PIKFYVE: variants seen among roughly 807,000 people sequenced by gnomAD.
PIKFYVE encodes 1-phosphatidylinositol 3-phosphate 5-kinase.
A neutral mutation model predicts 257.9 loss-of-function variants in PIKFYVE; 122 were observed. That is an observed-to-expected ratio of 0.47 (90% CI 0.41 to 0.55). PIKFYVE has a LOEUF of 0.55. PIKFYVE is among the 20% of genes least tolerant of loss of function. The pLI is 0.00. For synonymous variants in PIKFYVE, 892 were observed against 868.9 expected (o/e 1.03, Z -0.47); for missense variants, 2,160 against 2,536.6 (o/e 0.85, Z 3.19).
chr2:208,348,827 A>G (rs1007407917), intron 35 of PIKFYVE, among the ~76,000 whole-genome samples: 1 of 152,000 alleles, frequency 6.6e-6, no homozygotes, highest in African/African-American at 2.4e-5. Context: ...CTGTCTCTAT[A>G]TAGAAATAGT....
In PIKFYVE at chr2:208,298,249, T is replaced by TA. The variant is rs574289989; in HGVS notation, c.912-382dup. On this transcript the variant is annotated intron_variant, in intron 7 of 41. Coordinates refer to ENST00000264380, the MANE Select transcript of PIKFYVE (RefSeq NM_015040.4). ...TAATTTCATTCTTTATATTTGTTAT[T>TA]AAAAAAAAAATCCACTAACTTACAG... is the stretch of plus-strand genomic sequence containing the variant. 2.9e-3 allele frequency among the ~76,000 whole-genome samples: 439 copies of TA among 150,676 alleles called. 1 individual carries two copies. Among genetic ancestry groups the TA allele is most frequent in the African/African-American group, 9.1e-3 (374 of 41,178 alleles).
chr2:208,269,826 A>T, intron 1 of PIKFYVE: 1 of 245,742 alleles, frequency 4.1e-6, no homozygotes, highest in Middle Eastern at 5.0e-4. Context: ...TGGTTTTCTC[A>T]GGGGCCTGGG....
intron 13 of PIKFYVE, among the ~76,000 whole-genome samples, chr2:208,313,051 C>G (rs974998926): frequency 6.6e-5 from 10 of 152,088 alleles, no homozygotes; most frequent in African/African-American, 2.4e-4. Flanking sequence ...TTGAAATGTG[C>G]AATTCTTGTA....
chr2:208,300,805 T>C (rs1693588939), intron 8 of PIKFYVE, 132 bp from the exon 9 acceptor site: 1 of 1,046,842 alleles, frequency 9.6e-7, no homozygotes, highest in Non-Finnish European at 1.4e-6. Context: ...TGTATTAAAT[T>C]GTGTGAGTTA....
At chr2:208,351,639 G>A (rs1699782856) in intron 38 of PIKFYVE, among the ~76,000 whole-genome samples, 184 bp downstream of exon 38, 1 of 152,130 alleles carries the variant, frequency 6.6e-6, no homozygotes, top group African/African-American at 2.4e-5. Context: ...AGTGCTGGCG[G>A]CGTCTGTTTC....
At position 208,304,982 on chromosome 2, in the gene PIKFYVE, A is replaced by G; in HGVS notation, c.1605A>G (p.Pro535=). 1 of 1,614,112 alleles carries G rather than the reference A, an allele frequency of 6.2e-7. No individual in the cohort carries two copies. Among genetic ancestry groups the G allele is most frequent in the Non-Finnish European group, 8.5e-7 (1 of 1,179,992 alleles). Residue 535 remains proline (P), a synonymous_variant, in exon 12 of 42, where the codon CCA becomes CCG. Coordinates refer to ENST00000264380, the MANE Select transcript of PIKFYVE (RefSeq NM_015040.4). ...ATATCAAGAAGCCCTCCAAGTACCC[A>G]CATGTGCCCCCTCACCCTGCTGACC... ...NFHIKKPSKY[P]HVPPHPADQK...
At chr2:208,295,777 G>A (rs930460986) in intron 7 of PIKFYVE, among the ~76,000 whole-genome samples, 1 of 152,184 alleles carries the variant, frequency 6.6e-6, no homozygotes, top group African/African-American at 2.4e-5. Context: ...TAATTGGTAA[G>A]TAATATGTGG....
chr2:208,300,785 A>G (rs898783057), intron 8 of PIKFYVE, 152 bp from the exon 9 acceptor site: 2 of 915,872 alleles, frequency 2.2e-6, no homozygotes, highest in Non-Finnish European at 3.4e-6. Context: ...GTTCCCACGT[A>G]TATGACATTT....
At chr2:208,316,750 A>C (rs1304827734) in intron 15 of PIKFYVE, among the ~76,000 whole-genome samples, 1 of 152,234 alleles carries the variant, frequency 6.6e-6, no homozygotes, top group Admixed American at 6.5e-5. Context: ...AGGCTACAGT[A>C]ACCAAAACAG....
intron 17 of PIKFYVE, among the ~76,000 whole-genome samples, chr2:208,322,529 G>A (rs1696374658): frequency 6.6e-6 from 1 of 151,510 alleles, no homozygotes; most frequent in Non-Finnish European, 1.5e-5. Flanking sequence ...TTCAAGGAAA[G>A]TTAGTTGGAG....
chr2:208,314,192 C>G, intron 13 of PIKFYVE, 102 bp from the exon 14 acceptor site: 1 of 1,348,988 alleles, frequency 7.4e-7, no homozygotes, highest in East Asian at 2.3e-5. Flanking sequence ...TGTTGGCTAA[C>G]TTAAAACATT....
intron 32 of PIKFYVE, among the ~76,000 whole-genome samples, chr2:208,344,109 C>G (rs1699001693): frequency 6.6e-6 from 1 of 152,110 alleles, no homozygotes; most frequent in African/African-American, 2.4e-5. Context: ...TGAGCCACCG[C>G]ACCCAGCCTT....
chr2:208,287,214 G>A (rs2125166048), intron 6 of PIKFYVE, among the ~76,000 whole-genome samples: 1 of 152,070 alleles, frequency 6.6e-6, no homozygotes, highest in East Asian at 1.9e-4. Context: ...GGAAGGGAAG[G>A]GATTAGGACT....
chr2:208,294,703 A>G (rs1692743125), intron 7 of PIKFYVE, among the ~76,000 whole-genome samples: 1 of 152,068 alleles, frequency 6.6e-6, no homozygotes, highest in Non-Finnish European at 1.5e-5. Flanking sequence ...TTCTTCCCCC[A>G]TGTGGAAGGC....
Position 208,352,661 on chromosome 2 carries a change from C to T in PIKFYVE, c.5723C>T (p.Thr1908Met), listed in dbSNP as rs761036220. The change falls in exon 39 of 42, where the codon ACG (threonine) becomes ATG (methionine). Residue 1908 changes from threonine to methionine, a missense_variant. This residue lies in a region of PIKFYVE where 699 missense variants were observed against 855.8 expected (regional missense o/e 0.82). Coordinates refer to ENST00000264380, the MANE Select transcript of PIKFYVE (RefSeq NM_015040.4). Reference protein sequence around the residue: ...ITNAVQQKRPTALAKILGVYR... With the variant: ...ITNAVQQKRPMALAKILGVYR... ...TGACCTTCTCTTGATTAGAGGCCCA[C>T]GGCGTTGGCCAAAATTCTTGGAGTT... The T allele has an allele frequency of 7.4e-6, 12 of 1,613,230 alleles. No individual in the cohort carries two copies. Among genetic ancestry groups the T allele is most frequent in the African/African-American group, 6.7e-5 (5 of 74,890 alleles).
At chr2:208,324,016 T>G in intron 17 of PIKFYVE, 126 bp from the exon 18 acceptor site, 1 of 907,516 alleles carries the variant, frequency 1.1e-6, no homozygotes, top group South Asian at 1.4e-5. Context: ...ATTAGCCCTT[T>G]GTCAGATGAG....
intron 5 of PIKFYVE, among the ~76,000 whole-genome samples, chr2:208,284,031 T>C (rs932231748): frequency 1.1e-4 from 16 of 152,244 alleles, no homozygotes; most frequent in Non-Finnish European, 2.9e-5. Flanking sequence ...AGTTTTCTAA[T>C]ATTAGTGGGA....
chr2:208,355,141 A>G, intron 41 of PIKFYVE, 49 bp from the exon 42 acceptor site: 2 of 1,434,214 alleles, frequency 1.4e-6, no homozygotes, highest in Non-Finnish European at 2.0e-6. Flanking sequence ...TCAGTTGCCC[A>G]ATCAATTATA....
At chr2:208,337,141 G>C (rs1324839697) in intron 28 of PIKFYVE, among the ~76,000 whole-genome samples, 1 of 152,002 alleles carries the variant, frequency 6.6e-6, no homozygotes, top group Non-Finnish European at 1.5e-5. Flanking sequence ...TTATTTATTT[G>C]AAATGTTTAT....
Sources: gnomAD v4.1 joint callset for allele counts (sites outside exome capture counted in the v4.1 genomes callset) on GRCh38, gnomAD v4.1.1 for gene constraint, gnomAD v4.1.1 regional missense constraint, MANE v1.5 for transcripts, NCBI Gene and HGNC (gene_info 2026-07-23, HGNC 2026-07-21) for gene names.